The following PCDHA8 variants were observed in gnomAD, a reference collection of about 807,000 sequenced individuals.
PCDHA8 encodes the protein protocadherin alpha-8.
In PCDHA8, 53 loss-of-function variants were observed where a neutral mutation model predicts 61.8. That is an observed-to-expected ratio of 0.86 (90% CI 0.69 to 1.08). The LOEUF (loss-of-function observed/expected upper bound fraction) is 1.08. PCDHA8 is among the 50% of genes least tolerant of loss of function. The pLI is 0.00. For missense variants in PCDHA8, 1,293 were observed against 1,245.0 expected, an observed-to-expected ratio of 1.04 and a Z score of -0.58; for synonymous variants, 618 against 556.6, an observed-to-expected ratio of 1.11 and a Z score of -1.55.
rs546551059 is a variant in PCDHA8, at chr5:140,918,074, G to A, written c.2395-60875G>A. Among the ~76,000 whole-genome samples, 10 of 152,214 alleles carry A rather than the reference G, an allele frequency of 6.6e-5. No individual in the cohort carries two copies. The East Asian group carries it at 1.9e-3, about 29-fold the overall frequency. On this transcript the variant is annotated intron_variant, in intron 1 of 3. Transcript: ENST00000531613. ...TTATCATCTCTGATTTCTTTCAGTA[G>A]TGTTTTATAATTCTTTTTATAGAGA...
chr5:140,925,151 T>G (rs1378736882), intron 1 of PCDHA8, among the ~76,000 whole-genome samples: 3 of 151,748 alleles, frequency 2.0e-5, no homozygotes, highest in African/African-American at 7.3e-5. Context: ...ACACAAAAGT[T>G]GAGAGAATTG....
chr5:140,852,584 T>G, intron 1 of PCDHA8: 1 of 824,250 alleles, frequency 1.2e-6, no homozygotes, highest in Non-Finnish European at 1.5e-6. Flanking sequence ...GCTTTTTTAT[T>G]TTTTTTTTTT....
chr5:140,927,480 C>T (rs782233621), intron 1 of PCDHA8: 3 of 1,613,976 alleles, frequency 1.9e-6, no homozygotes, highest in African/African-American at 1.3e-5. Context: ...GCGAACAGCG[C>T]GCCACCCACC....
chr5:140,980,635 A>AT (rs1224584187), intron 2 of PCDHA8, among the ~76,000 whole-genome samples: 1 of 152,232 alleles, frequency 6.6e-6, no homozygotes, highest in Non-Finnish European at 1.5e-5. Context: ...TCTCAGAAGA[A>AT]TAAATAAATG....
chr5:140,928,226 T>G, intron 1 of PCDHA8: 1 of 1,614,178 alleles, frequency 6.2e-7, no homozygotes, highest in African/African-American at 1.3e-5. Context: ...ACACCAAACT[T>G]TCCTCAACCC....
At chr5:140,848,150 A>AG (rs1781344114) in intron 1 of PCDHA8, 1 of 209,114 alleles carries the variant, frequency 4.8e-6, no homozygotes, top group South Asian at 1.1e-4. Flanking sequence ...AGAGGCAGTC[A>AG]GTCTGCTAAG....
At chr5:140,897,648 T>C (rs556362001) in intron 1 of PCDHA8, among the ~76,000 whole-genome samples, 1 of 152,302 alleles carries the variant, frequency 6.6e-6, no homozygotes, top group African/African-American at 2.4e-5. Flanking sequence ...ACAATAAACA[T>C]ACGTGTGCAT....
At chr5:140,982,671 G>T in intron 3 of PCDHA8, 108 bp downstream of exon 3, 1 of 1,454,062 alleles carries the variant, frequency 6.9e-7, no homozygotes, top group South Asian at 1.4e-5. Context: ...TTATATTTTT[G>T]TTATTCCCTT....
At position 140,857,387 on chromosome 5, in the gene PCDHA8, G is replaced by C. The variant is rs369919324; in HGVS notation, c.2394+13672G>C. 21 of 1,598,586 alleles carry C rather than the reference G, an allele frequency of 1.3e-5. 1 individual carries two copies. The Admixed American group carries it at 3.5e-4, about 27-fold the overall frequency. On this transcript the variant is annotated intron_variant, in intron 1 of 3. Coordinates refer to ENST00000531613, the MANE Select transcript of PCDHA8 (RefSeq NM_018911.3). The stretch of plus-strand genomic sequence containing the variant: ...CAGCGTGTCTGTGGAGGTGGCCGAC[G>C]TGAACGACAACGCGCCTGCGTTCGC...
At chr5:140,882,071 ATGGTGTC>A in intron 1 of PCDHA8, 1 of 864,194 alleles carries the variant, frequency 1.2e-6, no homozygotes, top group Non-Finnish European at 1.7e-6. Context: ...GTTCATGCGC[ATGGTGTC>A]GCTCTTCACT....
At chr5:140,994,288 C>G (rs2097610720) in intron 3 of PCDHA8, among the ~76,000 whole-genome samples, 4 of 152,150 alleles carry the variant, frequency 2.6e-5, no homozygotes, top group Admixed American at 6.5e-5. Flanking sequence ...TGAGACAGTC[C>G]CCAGATTGTT....
chr5:140,972,621 G>T (rs1278363112), intron 1 of PCDHA8, among the ~76,000 whole-genome samples: 1 of 148,458 alleles, frequency 6.7e-6, no homozygotes, highest in South Asian at 2.1e-4. Flanking sequence ...ACTGAATGTT[G>T]TTGGCACTCC....
chr5:140,975,396 A>G (rs1366048936), intron 1 of PCDHA8, among the ~76,000 whole-genome samples: 2 of 152,248 alleles, frequency 1.3e-5, no homozygotes, highest in African/African-American at 4.8e-5. Flanking sequence ...GATCCATCAC[A>G]ATCACAGTCT....
At chr5:140,845,678 G>T (rs1374984475) in intron 1 of PCDHA8, among the ~76,000 whole-genome samples, 3 of 149,382 alleles carry the variant, frequency 2.0e-5, no homozygotes, top group Non-Finnish European at 4.5e-5. Flanking sequence ...CATTGGTAAA[G>T]GATTTGTTAT....
chr5:140,869,883 T>G, intron 1 of PCDHA8: 1 of 1,610,444 alleles, frequency 6.2e-7, no homozygotes, highest in Admixed American at 1.7e-5. Context: ...AAGAAACTCT[T>G]GTGCTCAAAC....
intron 1 of PCDHA8, chr5:140,865,271 T>C (rs1554159342): frequency 6.6e-6 from 1 of 152,236 alleles, no homozygotes; most frequent in East Asian, 1.9e-4. Flanking sequence ...TCAAATTATA[T>C]GTAAAATTAC....
chr5:140,868,850 G>C, intron 1 of PCDHA8: 3 of 459,172 alleles, frequency 6.5e-6, no homozygotes, highest in South Asian at 5.9e-5. Flanking sequence ...GTGAAATTCT[G>C]TGGTGGTAAA....
intron 1 of PCDHA8, among the ~76,000 whole-genome samples, chr5:140,940,000 G>A (rs1442780881): frequency 6.6e-6 from 1 of 152,080 alleles, no homozygotes; most frequent in Non-Finnish European, 1.5e-5. Context: ...CTTGGATTTT[G>A]TCAATTTTTT....
In PCDHA8 at chr5:140,852,849, T is replaced by G. The variant is rs1421796229; in HGVS notation, c.2394+9134T>G. Reference sequence around the variant, plus strand: ...CAGTCTCCTTAGAGCTAGTACTTACTAAGCATTTACTATGTCATCAATAAT... The same window carrying G: ...CAGTCTCCTTAGAGCTAGTACTTACGAAGCATTTACTATGTCATCAATAAT... On this transcript the variant is annotated intron_variant, in intron 1 of 3. Transcript: ENST00000531613. 3.1e-6 allele frequency: 3 copies of G among 967,454 alleles called. 1 individual carries two copies. Among genetic ancestry groups the G allele is most frequent in the East Asian group, 1.1e-4 (1 of 8,764 alleles). 59.9% of individuals were successfully genotyped at this position (967,454 alleles called of 1,614,324 possible).
Sources: allele counts gnomAD v4.1 joint callset (sites outside exome capture counted in the v4.1 genomes callset), GRCh38; gene constraint gnomAD v4.1.1; transcripts MANE v1.5; gene names NCBI Gene and HGNC (gene_info 2026-07-23, HGNC 2026-07-21).